The following TBC1D7 variants were observed in gnomAD, a reference collection of about 807,000 sequenced individuals.
TBC1D7 encodes the protein TBC domain family 7.
In TBC1D7, 33 loss-of-function variants were observed where a neutral mutation model predicts 35.3. The ratio of observed to expected loss-of-function variants is 0.93; its 90% CI spans 0.71 to 1.25. TBC1D7 has a LOEUF of 1.25. Ranked by LOEUF, TBC1D7 falls within the 50% of genes most tolerant of loss-of-function variation. The pLI is 0.00. For synonymous variants in TBC1D7, 135 were observed against 129.5 expected (o/e 1.04, Z -0.29); for missense variants, 362 against 365.3 (o/e 0.99, Z 0.07).
Position 13,325,155 on chromosome 6 carries a change from A to G in TBC1D7, c.132T>C (p.Thr44=), listed in dbSNP as rs1205762403. 6.2e-7 allele frequency: 1 copy of G among 1,613,690 alleles called. No homozygotes were observed. The highest frequency in any genetic ancestry group is 1.7e-5 in the Admixed American group (1 of 59,996). ...ACGGGAGAGGGAACCTCTGACTAAAAGTACAAAGTTTCTCAGTATCTAGAG... is the reference window on the plus strand; with the variant it reads ...ACGGGAGAGGGAACCTCTGACTAAAGGTACAAAGTTTCTCAGTATCTAGAG... ...DDRLDTEKLC[T]FSQRFPLPSM... is the part of the protein sequence containing the mutation. Residue 44 remains threonine, a synonymous_variant, in exon 3 of 8, where the codon ACT becomes ACC. Transcript: ENST00000379300.
chr6:13,313,102 T>C (rs1041744856), intron 5 of TBC1D7, among the ~76,000 whole-genome samples: 4 of 152,216 alleles, frequency 2.6e-5, no homozygotes, highest in African/African-American at 9.6e-5. Context: ...GGAAGAGATG[T>C]GTAGGTTATA....
intron 4 of TBC1D7, chr6:13,320,678 T>C: frequency 1.5e-6 from 1 of 653,970 alleles, no homozygotes; most frequent in Non-Finnish European, 2.8e-6. Flanking sequence ...GCAACTTTTC[T>C]GGAAGTTTGA....
rs375163232 is a variant in TBC1D7, at chr6:13,307,674, C to T, written c.591G>A (p.Ala197=). The T allele has an allele frequency of 2.5e-5, 40 of 1,613,970 alleles. No homozygotes were observed. The highest frequency in any genetic ancestry group is 3.3e-5 in the Admixed American group (2 of 60,002). ...RLLTHLRMCS[A]APKLPYDLWF... is the part of the protein sequence containing the mutation. ...AGAGATCATAAGGAAGTTTGGGCGC[C>T]GCGGAACACATCCTCAGATGAGTCA... is the stretch of plus-strand genomic sequence containing the variant. Residue 197 remains alanine (A), a synonymous_variant, in exon 6 of 8, where the codon GCG becomes GCA. Coordinates refer to ENST00000379300, the MANE Select transcript of TBC1D7 (RefSeq NM_016495.6).
intron 6 of TBC1D7, chr6:13,307,125 G>C (rs1215354188): frequency 1.2e-5 from 2 of 165,510 alleles, no homozygotes; most frequent in African/African-American, 4.8e-5. Context: ...GCACTGTTCA[G>C]TGCCATAACT....
intron 5 of TBC1D7, among the ~76,000 whole-genome samples, chr6:13,311,829 A>G (rs1783234821): frequency 6.6e-6 from 1 of 152,208 alleles, no homozygotes; most frequent in African/African-American, 2.4e-5. Context: ...TTTCCTTATC[A>G]GCTATCAAAA....
At chr6:13,326,637 T>TCTTAA (rs1034233435) in intron 2 of TBC1D7, 150 bp downstream of exon 2, 16 of 458,582 alleles carry the variant, frequency 3.5e-5, no homozygotes, top group African/African-American at 3.0e-4. Context: ...ATTTGAAAAA[T>TCTTAA]CTTTTCTCAA....
At chr6:13,311,820 T>C (rs1424513379) in intron 5 of TBC1D7, among the ~76,000 whole-genome samples, 2 of 152,134 alleles carry the variant, frequency 1.3e-5, no homozygotes, top group Non-Finnish European at 2.9e-5. Context: ...ATAAGAGACT[T>C]TCCTTATCAG....
In TBC1D7 at chr6:13,316,387, G is replaced by A. The variant is rs78432722; in HGVS notation, c.519+184C>T. On this transcript the variant is annotated intron_variant, in intron 5 of 7. Transcript: ENST00000379300. Reference sequence around the variant, plus strand: ...AGCAGAGTTGAGTGGTTACAATAGAGACCATCTGGCCCACCAAGCTGGAAA... The same window carrying A: ...AGCAGAGTTGAGTGGTTACAATAGAAACCATCTGGCCCACCAAGCTGGAAA... Among the ~76,000 whole-genome samples the A allele has an allele frequency of 0.018, 2,749 of 152,242 alleles. 87 individuals are homozygous for A. Among genetic ancestry groups the A allele is most frequent in the African/African-American group, 0.063 (2,614 of 41,516 alleles).
chr6:13,321,050 T>A lies in TBC1D7; in HGVS notation c.239A>T (p.Tyr80Phe), dbSNP rs772028606. ...HHESHAKVMM[Y>F]RKEQYLDVLH... The stretch of plus-strand genomic sequence containing the variant: ...GACATCCAAGTACTGCTCCTTACGA[T>A]ACATCATCACCTTGGCATGGGACTC... The change falls in exon 4 of 8, where the codon TAT becomes TTT. Residue 80 changes from tyrosine (Y) to phenylalanine (F), a missense_variant. Coordinates refer to ENST00000379300, the MANE Select transcript of TBC1D7 (RefSeq NM_016495.6). The A allele has an allele frequency of 6.2e-7, 1 of 1,614,184 alleles. No homozygotes were observed. Among genetic ancestry groups the A allele is most frequent in the East Asian group, 2.2e-5 (1 of 44,884 alleles).
rs1238749480 is a variant in TBC1D7, at chr6:13,304,984, C to A, written c.*117G>T. The A allele has an allele frequency of 3.6e-6, 3 of 830,180 alleles. No homozygotes were observed. The highest frequency in any genetic ancestry group is 2.9e-5 in the East Asian group (1 of 34,050). 51.4% of individuals were successfully genotyped at this position (830,180 alleles called of 1,614,324 possible). On this transcript the variant is annotated 3_prime_UTR_variant, in exon 8 of 8. Transcript: ENST00000379300. ...AAATAATTTTATTGGGGGAAAAAAA[C>A]CACTTTGAGCACCAAAGCAAGAAAA...
chr6:13,327,538 T>C (rs1354183793), intron 1 of TBC1D7: 1 of 152,228 alleles, frequency 6.6e-6, no homozygotes, highest in Non-Finnish European at 1.5e-5. Context: ...AACACAATTC[T>C]ATTAAGTGTA....
In TBC1D7 at chr6:13,326,823, T is replaced by C; in HGVS notation, c.76A>G (p.Lys26Glu). The C allele has an allele frequency of 6.2e-7, 1 of 1,613,302 alleles. No individual in the cohort carries two copies. Among genetic ancestry groups the C allele is most frequent in the Non-Finnish European group, 8.5e-7 (1 of 1,179,698 alleles). Residue 26 changes from lysine (K) to glutamate (E), a missense_variant, in exon 2 of 8, where the codon AAA (lysine) becomes GAA (glutamate). Transcript: ENST00000379300. The stretch of plus-strand genomic sequence containing the variant: ...TCTTTTAGGAGAATTTCTAATGATT[T>C]CTTTTCTTCAACTCCACGAAACCCC... Reference protein sequence around the residue: ...KVGFRGVEEKKSLEILLKDDR... With the variant: ...KVGFRGVEEKESLEILLKDDR...
chr6:13,307,827 G>A, intron 5 of TBC1D7, 82 bp from the exon 6 acceptor site: 1 of 1,401,754 alleles, frequency 7.1e-7, no homozygotes, highest in Non-Finnish European at 9.8e-7. Flanking sequence ...TGAAAAAAAA[G>A]TACATGCTGA....
Position 13,328,278 on chromosome 6 carries a change from C to CT in TBC1D7, c.-9+17dup, listed in dbSNP as rs762512738. On this transcript the variant is annotated intron_variant, in intron 1 of 7. Transcript: ENST00000379300. Reference sequence around the variant, plus strand: ...TCCAAGACCCCAGGTCCCATTCTCTCTATGATGGATGCTTCACCTCTAGTA... The same window carrying CT: ...TCCAAGACCCCAGGTCCCATTCTCTCTTATGATGGATGCTTCACCTCTAGTA... 6.6e-6 allele frequency: 1 copy of CT among 152,304 alleles called. No individual in the cohort carries two copies. Among genetic ancestry groups the CT allele is most frequent in the Non-Finnish European group, 1.5e-5 (1 of 68,092 alleles). The allele number at this position is 152,304 out of a possible 1,614,324, so 9.4% of individuals were successfully genotyped here.
At chr6:13,306,364 T>C (rs1782807544) in intron 7 of TBC1D7, 34 bp downstream of exon 7, 2 of 1,568,084 alleles carry the variant, frequency 1.3e-6, no homozygotes, top group Admixed American at 2.1e-5. Flanking sequence ...GTAACTTCAT[T>C]TCCAGATTCA....
rs181288763 is a variant in TBC1D7 at position 13,316,133 on chromosome 6, C to T, written c.519+438G>A. 7.1e-4 allele frequency among the ~76,000 whole-genome samples: 108 copies of T among 152,348 alleles called. 1 individual carries two copies. Among genetic ancestry groups the T allele is most frequent in the Non-Finnish European group, 9.7e-4 (66 of 68,030 alleles). ...CCCTCTCCATACTGTGGTTCTGCAGCGCCAGCTCTGCACTGCCTGGATTCT... is the reference window on the plus strand; with the variant it reads ...CCCTCTCCATACTGTGGTTCTGCAGTGCCAGCTCTGCACTGCCTGGATTCT... On this transcript the variant is annotated intron_variant, in intron 5 of 7. Transcript: ENST00000379300.
intron 5 of TBC1D7, 128 bp from the exon 6 acceptor site, chr6:13,307,873 T>C: frequency 9.9e-7 from 1 of 1,009,444 alleles, no homozygotes; most frequent in Non-Finnish European, 1.4e-6. Flanking sequence ...ACTTCAGAAT[T>C]ATCCAAGTCA....
chr6:13,327,816 G>C (rs1032468124), intron 1 of TBC1D7: 2 of 152,198 alleles, frequency 1.3e-5, no homozygotes, highest in Non-Finnish European at 2.9e-5. Flanking sequence ...TTCCCAAAAA[G>C]CACTGCACTG....
chr6:13,321,135 G>T, intron 3 of TBC1D7, 40 bp from the exon 4 acceptor site: 1 of 1,552,186 alleles, frequency 6.4e-7, no homozygotes. Flanking sequence ...ACAAAATACT[G>T]AGCCATCACT....
Sources: gnomAD v4.1 joint callset for allele counts (sites outside exome capture counted in the v4.1 genomes callset) on GRCh38, gnomAD v4.1.1 for gene constraint, MANE v1.5 for transcripts, NCBI Gene and HGNC (gene_info 2026-07-23, HGNC 2026-07-21) for gene names.